The following UBXN8 variants were observed in gnomAD, a reference collection of about 807,000 sequenced individuals.
UBXN8 encodes UBX domain protein 8.
Under a neutral mutation model 32.1 loss-of-function variants are expected in UBXN8, and 27 were observed. That is an observed-to-expected ratio of 0.84 (90% CI 0.62 to 1.16). The LOEUF (loss-of-function observed/expected upper bound fraction) is 1.16, where lower values mean the gene tolerates loss of function less well. Among genes scored for constraint, UBXN8 ranks in the 50% most tolerant of loss-of-function variants. The probability of loss-of-function intolerance (pLI) is 0.00; values close to 1 mark genes in which losing one functional copy is unlikely to be tolerated. For missense variants in UBXN8, 306 were observed against 311.4 expected (o/e 0.98, Z 0.13); for synonymous variants, 109 against 111.8 (o/e 0.98, Z 0.16).
intron 2 of UBXN8, 98 bp downstream of exon 2, chr8:30,751,616 G>T: frequency 1.9e-6 from 2 of 1,032,772 alleles, no homozygotes; most frequent in Non-Finnish European, 2.7e-6. Flanking sequence ...ATTAATTTGT[G>T]ATGTGTAGTT....
At chr8:30,745,443 C>G (rs1216194794) in intron 1 of UBXN8, among the ~76,000 whole-genome samples, 1 of 152,120 alleles carries the variant, frequency 6.6e-6, no homozygotes, top group Non-Finnish European at 1.5e-5. Flanking sequence ...ATGTCTGTCT[C>G]CCTTTTTAAG....
upstream of UBXN8, among the ~76,000 whole-genome samples, chr8:30,743,889 C>T (rs1322877897): frequency 6.6e-6 from 1 of 152,232 alleles, no homozygotes; most frequent in African/African-American, 2.4e-5. Context: ...ACAGACGCTG[C>T]AAAGACCGAA....
intron 1 of UBXN8, among the ~76,000 whole-genome samples, chr8:30,747,343 C>G (rs1226865071): frequency 2.2e-5 from 2 of 89,934 alleles, no homozygotes; most frequent in Non-Finnish European, 3.9e-5. Flanking sequence ...CAGAGTCTTA[C>G]TCTGTTGCCC....
chr8:30,763,297 C>G lies in UBXN8; in HGVS notation c.595C>G (p.Pro199Ala), dbSNP rs1563566872. 1 of 1,613,804 alleles carries G rather than the reference C, an allele frequency of 6.2e-7. No homozygotes were observed. The highest frequency in any genetic ancestry group is 2.2e-5 in the East Asian group (1 of 44,882). Reference sequence around the variant, plus strand: ...GGTAGTTACTGTTGCTCTCCGATGTCCCAGTGGGAATGTCCTGAGGAGAAG... The same window carrying G: ...GGTAGTTACTGTTGCTCTCCGATGTGCCAGTGGGAATGTCCTGAGGAGAAG... ...EEVVTVALRC[P>A]SGNVLRRRFL... The change falls in exon 7 of 8, where the codon CCC (proline) becomes GCC (alanine). Residue 199 changes from proline (P) to alanine (A), a missense_variant. Coordinates refer to ENST00000265616, the MANE Select transcript of UBXN8 (RefSeq NM_005671.4).
At chr8:30,759,813 G>A (rs928344310) in intron 5 of UBXN8, among the ~76,000 whole-genome samples, 2 of 150,746 alleles carry the variant, frequency 1.3e-5, no homozygotes, top group South Asian at 2.1e-4. Context: ...AAAAATTAGC[G>A]GGGCATGGTG....
intron 7 of UBXN8, among the ~76,000 whole-genome samples, chr8:30,764,914 G>A (rs1223346877): frequency 6.6e-6 from 1 of 152,036 alleles, no homozygotes; most frequent in East Asian, 1.9e-4. Context: ...GCCGGACGTG[G>A]TGGTGCGTGC....
At chr8:30,740,717 C>T (rs2128752311), upstream of UBXN8, among the ~76,000 whole-genome samples, 1 of 151,834 alleles carries the variant, frequency 6.6e-6, no homozygotes, top group East Asian at 2.0e-4. Context: ...AAGAGTGAGA[C>T]CCTTTTGGTG....
intron 1 of UBXN8, among the ~76,000 whole-genome samples, chr8:30,750,164 C>T (rs1805481703): frequency 6.6e-6 from 1 of 151,984 alleles, no homozygotes; most frequent in Non-Finnish European, 1.5e-5. Context: ...CATTTAAGCA[C>T]CTGTGGATTG....
chr8:30,757,394 A>G (rs561265871), intron 5 of UBXN8, among the ~76,000 whole-genome samples: 11 of 152,064 alleles, frequency 7.2e-5, no homozygotes, highest in Non-Finnish European at 1.5e-4. Context: ...TACTAAAAAT[A>G]CAAAAAAATT....
chr8:30,759,494 G>A (rs1399705256), intron 5 of UBXN8, among the ~76,000 whole-genome samples: 1 of 148,242 alleles, frequency 6.7e-6, no homozygotes, highest in African/African-American at 2.5e-5. Context: ...CTCAGCCCCC[G>A]AAAGTTCTGG....
rs774717316 is a variant in UBXN8, at chr8:30,766,321, G to A, written c.740G>A (p.Gly247Asp). The A allele has an allele frequency of 6.2e-6, 10 of 1,613,640 alleles. No individual in the cohort carries two copies. The highest frequency in any genetic ancestry group is 8.5e-6 in the Non-Finnish European group (10 of 1,179,778). Reference sequence around the variant, plus strand: ...AGACGGCCTCTGGCAGTGGAGGGAGGCCAGTCGCTGGAGGACATAGGAATA... The same window carrying A: ...AGACGGCCTCTGGCAGTGGAGGGAGACCAGTCGCTGGAGGACATAGGAATA... ...FPRRPLAVEGGQSLEDIGITV... is the reference protein window; with the variant it reads ...FPRRPLAVEGDQSLEDIGITV... The change falls in exon 8 of 8, where the codon GGC (glycine) becomes GAC (aspartate). Residue 247 changes from glycine to aspartate, a missense_variant. Gly to Asp is a moderately conservative substitution (Grantham distance 94). Coordinates refer to ENST00000265616, the MANE Select transcript of UBXN8 (RefSeq NM_005671.4).
upstream of UBXN8, among the ~76,000 whole-genome samples, chr8:30,729,208 G>C (rs1008814421): frequency 1.3e-5 from 2 of 152,254 alleles, no homozygotes; most frequent in Non-Finnish European, 2.9e-5. Context: ...CGCGGATCCT[G>C]CGAGCGCTCC....
chr8:30,729,147 A>G (rs1260750316), upstream of UBXN8, among the ~76,000 whole-genome samples: 1 of 152,266 alleles, frequency 6.6e-6, no homozygotes, highest in Non-Finnish European at 1.5e-5. Flanking sequence ...TAGGGGGCTT[A>G]GGCCTGCCCT....
intron 5 of UBXN8, among the ~76,000 whole-genome samples, chr8:30,760,219 T>C (rs1255618574): frequency 2.8e-3 from 3 of 1,076 alleles, no homozygotes; most frequent in Non-Finnish European, 0.023. Context: ...CCCGCCATCA[T>C]GCCTGATAAT....
rs140775272 is a variant in UBXN8 at position 30,744,660 on chromosome 8, C to T, written c.88+383C>T. Among the ~76,000 whole-genome samples, 215 of 152,348 alleles carry T rather than the reference C, an allele frequency of 1.4e-3. 2 individuals carry two copies. Among genetic ancestry groups the T allele is most frequent in the Middle Eastern group, 0.01 (3 of 294 alleles). On this transcript the variant is annotated intron_variant, in intron 1 of 7. Transcript: ENST00000265616. Reference sequence around the variant, plus strand: ...CTATGTTGCCCAGGCTGGTCTCGAACTCCTGGGTTCAAGAGATCCTCCTGC... The same window carrying T: ...CTATGTTGCCCAGGCTGGTCTCGAATTCCTGGGTTCAAGAGATCCTCCTGC...
In UBXN8 at chr8:30,765,472, C is replaced by T. The variant is rs752587857; in HGVS notation, c.646-755C>T. On this transcript the variant is annotated intron_variant, in intron 7 of 7. Transcript: ENST00000265616. ...TATTTTTTGTAGAGACTGGGTTTCG[C>T]CATCTTACCCAGGCTGGTCTCAAAT... 5.3e-5 allele frequency among the ~76,000 whole-genome samples: 8 copies of T among 151,256 alleles called. No individual in the cohort carries two copies. In the South Asian group the frequency reaches 1.7e-3, roughly 32 times the overall value.
chr8:30,763,139 A>G (rs1297754826), intron 6 of UBXN8, 134 bp from the exon 7 acceptor site: 1 of 852,674 alleles, frequency 1.2e-6, no homozygotes, highest in Admixed American at 2.3e-5. Flanking sequence ...AGCCACCACC[A>G]TGCCCTACCT....
chr8:30,743,307 C>A (rs1805257770), upstream of UBXN8, among the ~76,000 whole-genome samples: 1 of 152,018 alleles, frequency 6.6e-6, no homozygotes, highest in Non-Finnish European at 1.5e-5. Context: ...AGGCGACCGC[C>A]ACCACACCCG....
chr8:30,733,509 T>TATA (rs1586083090), intron 1 of UBXN8, among the ~76,000 whole-genome samples: 1 of 152,298 alleles, frequency 6.6e-6, no homozygotes, highest in East Asian at 1.9e-4. Flanking sequence ...CCAGCGAGCT[T>TATA]CCACCTTGGT....
Sources: gnomAD v4.1 joint callset for allele counts (sites outside exome capture counted in the v4.1 genomes callset) on GRCh38, gnomAD v4.1.1 for gene constraint, MANE v1.5 for transcripts, NCBI Gene and HGNC (gene_info 2026-07-23, HGNC 2026-07-21) for gene names.